The following ARHGEF11 variants were observed in gnomAD, a reference collection of about 807,000 sequenced individuals.
The protein encoded by ARHGEF11 is Rho guanine exchange factor (GEF) 11.
In ARHGEF11, 55 loss-of-function variants were observed where a neutral mutation model predicts 193.7. The ratio of observed to expected loss-of-function variants is 0.28; its 90% confidence interval spans 0.23 to 0.36. ARHGEF11 has a LOEUF of 0.36. Ranked by LOEUF, ARHGEF11 falls within the 10% of genes least tolerant of loss-of-function variation. ARHGEF11 has a pLI of 1.00. For synonymous variants in ARHGEF11, 693 were observed against 768.0 expected (o/e 0.90, Z 1.62); for missense variants, 1,723 against 2,005.6 (o/e 0.86, Z 2.69).
At chr1:156,963,885 G>A (rs1037179305) in intron 11 of ARHGEF11, 20 of 693,854 alleles carry the variant, frequency 2.9e-5, no homozygotes, top group Non-Finnish European at 4.0e-5. Flanking sequence ...CAAAAGATCT[G>A]GGGTGGGACT....
At chr1:156,941,576 G>C (rs2101841210) in intron 34 of ARHGEF11, 143 bp from the exon 35 acceptor site, 2 of 974,110 alleles carry the variant, frequency 2.1e-6, no homozygotes, top group Non-Finnish European at 3.1e-6. Flanking sequence ...CCAGAGAGGA[G>C]GGGGGCTGCT....
At chr1:157,039,464 C>T (rs755253555) in intron 1 of ARHGEF11, among the ~76,000 whole-genome samples, 7 of 152,204 alleles carry the variant, frequency 4.6e-5, no homozygotes, top group Non-Finnish European at 1.0e-4. Flanking sequence ...AACTCCAAAC[C>T]TCCTTTCACA....
rs1252778415 is a variant in ARHGEF11 at position 156,948,064 on chromosome 1, AG to A, written c.2154-109del. ...GCTTGCCCCATGCACATGGGAAACCAGTGGGCCCAGAAGAGGAGACAGCCAC... is the reference window on the plus strand; with the variant it reads ...GCTTGCCCCATGCACATGGGAAACCATGGGCCCAGAAGAGGAGACAGCCAC... On this transcript the variant is annotated intron_variant, in intron 24 of 40. Transcript: ENST00000368194. This position sits in a 1 kb window ranked among gnomAD's most constrained non-coding sequence, Gnocchi z 4.2. 6.5e-7 allele frequency: 1 copy of A among 1,538,796 alleles called. No homozygotes were observed. The highest frequency in any genetic ancestry group is 1.4e-5 in the African/African-American group (1 of 73,336).
chr1:156,997,116 G>A (rs186469883), intron 1 of ARHGEF11, among the ~76,000 whole-genome samples: 20 of 151,702 alleles, frequency 1.3e-4, no homozygotes, highest in African/African-American at 4.1e-4. Flanking sequence ...CAATCCTCCC[G>A]CCTCAGCCTC....
intron 1 of ARHGEF11, among the ~76,000 whole-genome samples, chr1:157,021,569 A>G (rs1297644922): frequency 6.6e-6 from 1 of 152,244 alleles, no homozygotes; most frequent in Non-Finnish European, 1.5e-5. Context: ...GTTTCATAAA[A>G]GGAAATCGTT....
At chr1:156,965,219 T>C (rs1374893264) in intron 11 of ARHGEF11, among the ~76,000 whole-genome samples, 1 of 152,178 alleles carries the variant, frequency 6.6e-6, no homozygotes, top group African/African-American at 2.4e-5. Context: ...CCAACACTAT[T>C]GACCCCACAC....
intron 1 of ARHGEF11, among the ~76,000 whole-genome samples, chr1:157,031,482 T>C (rs951399816): frequency 6.6e-6 from 1 of 152,196 alleles, no homozygotes; most frequent in Non-Finnish European, 1.5e-5. Flanking sequence ...TAGGAAACCC[T>C]ATGGCACAAG....
rs1376349573 is a variant in ARHGEF11 at position 156,968,138 on chromosome 1, G to T, written c.826-14C>A. 5.0e-6 allele frequency: 8 copies of T among 1,597,258 alleles called. No individual in the cohort carries two copies. Among genetic ancestry groups the T allele is most frequent in the East Asian group, 4.5e-5 (2 of 44,548 alleles). On this transcript the variant is annotated splice_polypyrimidine_tract_variant and intron_variant, in intron 10 of 40. Coordinates refer to ENST00000368194, the MANE Select transcript of ARHGEF11 (RefSeq NM_198236.3). ...ATTCATCAATGACTAGAGAAACAAA[G>T]AATTCTGTGAGAAGGAACCTTGTCC...
intron 15 of ARHGEF11, among the ~76,000 whole-genome samples, chr1:156,959,367 T>C (rs1242668516): frequency 6.6e-6 from 1 of 152,196 alleles, no homozygotes; most frequent in African/African-American, 2.4e-5. Context: ...GACAAAAATA[T>C]TTTCTGGATG....
At chr1:156,936,181 CCCCA>C in intron 40 of ARHGEF11, 123 bp from the exon 41 acceptor site, 5 of 1,045,722 alleles carry the variant, frequency 4.8e-6, no homozygotes, top group Non-Finnish European at 6.0e-6. Flanking sequence ...CCTCCAGAAA[CCCCA>C]GTTTCTCGTA....
intron 1 of ARHGEF11, among the ~76,000 whole-genome samples, chr1:157,024,223 A>T (rs911216961): frequency 6.6e-6 from 1 of 152,210 alleles, no homozygotes; most frequent in African/African-American, 2.4e-5. Context: ...AAATGTCCCA[A>T]ATAGGCAAAT....
chr1:157,041,421 C>G (rs1166659895), intron 1 of ARHGEF11, among the ~76,000 whole-genome samples: 3 of 152,258 alleles, frequency 2.0e-5, no homozygotes, highest in South Asian at 2.1e-4. Flanking sequence ...TCTATGGACC[C>G]AGGAGTCACT....
chr1:156,953,430 CCT>C (rs978390087), intron 21 of ARHGEF11, among the ~76,000 whole-genome samples: 35 of 152,210 alleles, frequency 2.3e-4, no homozygotes, highest in Admixed American at 1.8e-3. Flanking sequence ...AGGGCGAAAC[CCT>C]GTCTCAAAAC....
In ARHGEF11 at chr1:156,991,710, A is replaced by ATTTTTTTTTTT. The variant is rs57140356; in HGVS notation, c.33-5548_33-5538dup. Among the ~76,000 whole-genome samples, 19 of 83,952 alleles carry ATTTTTTTTTTT rather than the reference A, an allele frequency of 2.3e-4. 1 individual carries two copies. The highest frequency in any genetic ancestry group is 5.7e-4 in the African/African-American group (13 of 22,926). The allele number at this position is 83,952 out of a possible 152,430, so 55.1% of individuals were successfully genotyped here. A position where few individuals can be genotyped will look rare whatever the true frequency, so the allele number is the denominator to read the frequency against. ...TTAGGGTTTTCTTTTTTTCAAGCTTATTTTTTTTTTTTTTTTTTTTTTTTG... is the reference window on the plus strand; with the variant it reads ...TTAGGGTTTTCTTTTTTTCAAGCTTATTTTTTTTTTTTTTTTTTTTTTTTTTTTTTTTTTTG... On this transcript the variant is annotated intron_variant, in intron 1 of 40. Transcript: ENST00000368194.
In ARHGEF11 at chr1:156,969,275, G is replaced by C; in HGVS notation, c.825+7C>G. 6.3e-7 allele frequency: 1 copy of C among 1,588,754 alleles called. No homozygotes were observed. On this transcript the variant is annotated splice_region_variant and intron_variant, in intron 10 of 40. Transcript: ENST00000368194. ...TTCTGAATGGGCCTTGCCCTGCTGG[G>C]ACTCACCTCACTGAGGGAAGGAAAG...
chr1:156,958,942 AAC>A (rs1203856929), intron 16 of ARHGEF11, 78 bp from the exon 17 acceptor site: 26 of 1,607,808 alleles, frequency 1.6e-5, no homozygotes, highest in Non-Finnish European at 1.9e-5. Flanking sequence ...GAACAAGACA[AAC>A]ACATATAACA....
At chr1:157,029,315 G>C (rs1202842501) in intron 1 of ARHGEF11, among the ~76,000 whole-genome samples, 1 of 151,906 alleles carries the variant, frequency 6.6e-6, no homozygotes, top group Non-Finnish European at 1.5e-5. Context: ...TGTTGCCCAG[G>C]CTAGAGTACA....
chr1:156,966,915 G>C (rs1161001883), intron 11 of ARHGEF11, among the ~76,000 whole-genome samples: 1 of 152,120 alleles, frequency 6.6e-6, no homozygotes, highest in Non-Finnish European at 1.5e-5. Context: ...GACACAAAGG[G>C]GTAAAGATAA....
intron 11 of ARHGEF11, among the ~76,000 whole-genome samples, chr1:156,967,131 A>G (rs560084539): frequency 9.2e-5 from 14 of 152,218 alleles, no homozygotes; most frequent in Non-Finnish European, 2.1e-4. Flanking sequence ...ACTTATATTT[A>G]GTGTTACATT....
Sources: gnomAD v4.1 joint callset for allele counts (sites outside exome capture counted in the v4.1 genomes callset) on GRCh38, gnomAD v4.1.1 for gene constraint, Gnocchi (gnomAD v3.1) non-coding constraint, MANE v1.5 for transcripts, NCBI Gene and HGNC (gene_info 2026-07-23, HGNC 2026-07-21) for gene names.